FYB2: variants seen among roughly 807,000 people sequenced by gnomAD.
FYB2 encodes the protein FYN binding protein 2.
Under a neutral mutation model 94.1 loss-of-function variants are expected in FYB2, and 103 were observed. The observed-to-expected ratio is 1.09, with a 90% CI of 0.93 to 1.29. The LOEUF is 1.29. Among genes scored for constraint, FYB2 ranks in the 50% most tolerant of loss-of-function variants. The pLI, the probability that FYB2 is intolerant of heterozygous loss-of-function variation, is 0.00. For synonymous variants in FYB2, 293 were observed against 287.9 expected, an observed-to-expected ratio of 1.02 and a Z score of -0.18; for missense variants, 896 against 841.5, an observed-to-expected ratio of 1.06 and a Z score of -0.80.
intron 15 of FYB2, among the ~76,000 whole-genome samples, chr1:56,735,240 A>AAC (rs950076133): frequency 6.6e-6 from 1 of 152,166 alleles, no homozygotes; most frequent in African/African-American, 2.4e-5. Flanking sequence ...GGTAAAGAAA[A>AAC]TGTGATAAAC....
chr1:56,807,310 G>A (rs1368894914), intron 1 of FYB2, among the ~76,000 whole-genome samples: 1 of 152,204 alleles, frequency 6.6e-6, no homozygotes, highest in African/African-American at 2.4e-5. Flanking sequence ...CTCAGCCGAT[G>A]TGGCCATTTT....
At chr1:56,801,409 T>C (rs1024619169) in intron 1 of FYB2, among the ~76,000 whole-genome samples, 1 of 152,224 alleles carries the variant, frequency 6.6e-6, no homozygotes, top group African/African-American at 2.4e-5. Flanking sequence ...CACTCCCTTT[T>C]ATTTATTAAA....
At chr1:56,788,620 C>T (rs1646184937) in intron 3 of FYB2, among the ~76,000 whole-genome samples, 1 of 152,158 alleles carries the variant, frequency 6.6e-6, no homozygotes, top group South Asian at 2.1e-4. Flanking sequence ...CTTTTCACTC[C>T]CTCCCCACTT....
chr1:56,739,008 A>G (rs1319919720), intron 13 of FYB2, among the ~76,000 whole-genome samples: 1 of 152,044 alleles, frequency 6.6e-6, no homozygotes, highest in Non-Finnish European at 1.5e-5. Context: ...TCATGTTCAA[A>G]GCATGGAGGC....
chr1:56,748,700 C>T (rs1645125519), intron 9 of FYB2, among the ~76,000 whole-genome samples: 1 of 151,972 alleles, frequency 6.6e-6, no homozygotes, highest in Non-Finnish European at 1.5e-5. Flanking sequence ...ACTTTAATCA[C>T]CTTCTCAATA....
intron 4 of FYB2, 26 bp from the exon 5 acceptor site, chr1:56,767,964 T>A: frequency 6.8e-7 from 1 of 1,477,922 alleles, no homozygotes; most frequent in Non-Finnish European, 9.3e-7. Flanking sequence ...TTACTTAAAA[T>A]GTAACATTTT....
intron 13 of FYB2, 145 bp from the exon 14 acceptor site, chr1:56,738,798 T>G: frequency 3.9e-6 from 3 of 772,680 alleles, no homozygotes; most frequent in Non-Finnish European, 6.1e-6. Context: ...AAATAGTTTC[T>G]CTGGTATTAA....
At chr1:56,810,635 G>T (rs1455729254) in intron 1 of FYB2, among the ~76,000 whole-genome samples, 1 of 152,226 alleles carries the variant, frequency 6.6e-6, no homozygotes, top group Admixed American at 6.5e-5. Flanking sequence ...ATGGCCTTGA[G>T]TTGGTCATAT....
At chr1:56,808,355 G>A (rs891178189) in intron 1 of FYB2, among the ~76,000 whole-genome samples, 1 of 152,002 alleles carries the variant, frequency 6.6e-6, no homozygotes, top group Non-Finnish European at 1.5e-5. Flanking sequence ...GCAACTAAAG[G>A]GTGTTTGAAA....
At chr1:56,749,064 T>G (rs1021940580) in intron 9 of FYB2, among the ~76,000 whole-genome samples, 1 of 151,770 alleles carries the variant, frequency 6.6e-6, no homozygotes, top group African/African-American at 2.4e-5. Context: ...TGTTTTTTTT[T>G]TTTGTGGGTG....
chr1:56,802,952 C>A (rs550160068), intron 1 of FYB2, among the ~76,000 whole-genome samples: 5 of 152,104 alleles, frequency 3.3e-5, no homozygotes, highest in Non-Finnish European at 7.4e-5. Flanking sequence ...GTGTTAGCAG[C>A]CTCTCTATAA....
chr1:56,722,211 A>G (rs547984188), intron 17 of FYB2, among the ~76,000 whole-genome samples: 3 of 152,228 alleles, frequency 2.0e-5, no homozygotes, highest in Non-Finnish European at 2.9e-5. Context: ...AGTAACCCCA[A>G]TCAGCTTTGG....
intron 15 of FYB2, among the ~76,000 whole-genome samples, chr1:56,734,091 G>T (rs189670320): frequency 1.3e-5 from 2 of 152,188 alleles, no homozygotes; most frequent in Admixed American, 6.5e-5. Context: ...ATGAATCTGG[G>T]TGCTCCTGTA....
intron 6 of FYB2, among the ~76,000 whole-genome samples, chr1:56,757,698 C>T (rs112048256): frequency 0.034 from 2,095 of 61,580 alleles, 77 homozygotes; most frequent in African/African-American, 0.098. Flanking sequence ...TTCTTTCTTT[C>T]TTTCTTTCTT....
chr1:56,761,359 G>A (rs1193195861), intron 5 of FYB2, among the ~76,000 whole-genome samples: 1 of 152,186 alleles, frequency 6.6e-6, no homozygotes, highest in Non-Finnish European at 1.5e-5. Context: ...CGAGGAAACA[G>A]CCAGCCAGAC....
intron 7 of FYB2, 54 bp from the exon 8 acceptor site, chr1:56,753,989 T>C (rs1008114018): frequency 2.7e-5 from 29 of 1,081,068 alleles, no homozygotes; most frequent in Non-Finnish European, 7.1e-6. Flanking sequence ...GTTTAAATGA[T>C]AGTGTACTGT....
At chr1:56,798,323 T>C (rs1393658478) in intron 1 of FYB2, among the ~76,000 whole-genome samples, 4 of 152,196 alleles carry the variant, frequency 2.6e-5, no homozygotes, top group Non-Finnish European at 5.9e-5. Flanking sequence ...AAGCCTCAAA[T>C]ACCCATCTGG....
intron 7 of FYB2, among the ~76,000 whole-genome samples, 159 bp downstream of exon 7, chr1:56,755,737 G>A (rs771742804): frequency 2.0e-5 from 3 of 152,060 alleles, no homozygotes; most frequent in Non-Finnish European, 2.9e-5. Flanking sequence ...GCAGGATCAT[G>A]GATCACTTCC....
chr1:56,791,099 CA>C (rs1646252833), intron 2 of FYB2, among the ~76,000 whole-genome samples: 1 of 152,084 alleles, frequency 6.6e-6, no homozygotes, highest in Non-Finnish European at 1.5e-5. Context: ...GATTCTATTC[CA>C]AGTACAAACA....
Sources: allele counts gnomAD v4.1 joint callset (sites outside exome capture counted in the v4.1 genomes callset), GRCh38; gene constraint gnomAD v4.1.1; transcripts MANE v1.5; gene names NCBI Gene and HGNC (gene_info 2026-07-23, HGNC 2026-07-21).